Variants in STXBP6 observed in about 807,000 individuals in gnomAD.
STXBP6 encodes syntaxin binding protein 6, also known as syntaxin-binding protein 6.
In STXBP6, 21 loss-of-function variants were observed where a neutral mutation model predicts 26.9. The observed-to-expected ratio is 0.78, with a 90% CI of 0.55 to 1.12. The LOEUF (loss-of-function observed/expected upper bound fraction) is 1.12. Among genes scored for constraint, STXBP6 ranks in the 50% most tolerant of loss-of-function variants. The pLI is 0.00. For missense variants in STXBP6, 232 were observed against 257.9 expected, an observed-to-expected ratio of 0.90 and a Z score of 0.69; for synonymous variants, 97 against 92.6, an observed-to-expected ratio of 1.05 and a Z score of -0.27.
chr14:24,902,880 G>A (rs182766991), intron 2 of STXBP6, among the ~76,000 whole-genome samples: 135 of 152,264 alleles, frequency 8.9e-4, no homozygotes, highest in African/African-American at 3.1e-3. Flanking sequence ...TACCAGAGTA[G>A]TGGCAGGCCT....
At chr14:24,951,618 C>T (rs1165886447) in intron 2 of STXBP6, among the ~76,000 whole-genome samples, 1 of 152,144 alleles carries the variant, frequency 6.6e-6, no homozygotes, top group Non-Finnish European at 1.5e-5. Flanking sequence ...TATTCTCTTA[C>T]ATAGCCCTGA....
chr14:24,929,093 A>G (rs2072288202), intron 2 of STXBP6, among the ~76,000 whole-genome samples: 1 of 152,222 alleles, frequency 6.6e-6, no homozygotes, highest in Non-Finnish European at 1.5e-5. Context: ...CAAAGTGAAA[A>G]AAGGCCTCCA....
intron 3 of STXBP6, 123 bp downstream of exon 3, chr14:24,856,904 T>G: frequency 8.1e-7 from 1 of 1,231,600 alleles, no homozygotes; most frequent in Non-Finnish European, 1.1e-6. Flanking sequence ...TTTAATCACA[T>G]AATTGAAATA....
intron 1 of STXBP6, among the ~76,000 whole-genome samples, chr14:24,994,482 T>C (rs1008590603): frequency 7.2e-5 from 11 of 152,196 alleles, no homozygotes; most frequent in Non-Finnish European, 1.5e-5. Flanking sequence ...CACAAAGCTA[T>C]TTCCCCAGCC....
chr14:24,975,860 T>C (rs979806122), intron 1 of STXBP6, among the ~76,000 whole-genome samples: 1 of 152,238 alleles, frequency 6.6e-6, no homozygotes, highest in Non-Finnish European at 1.5e-5. Flanking sequence ...CTTTCTCCAT[T>C]CCATCATCCT....
At chr14:24,987,742 A>T in intron 1 of STXBP6, 4 of 721,406 alleles carry the variant, frequency 5.5e-6, no homozygotes, top group Non-Finnish European at 6.8e-6. Context: ...AGATAATGGC[A>T]AGAGCCAAGT....
intron 1 of STXBP6, among the ~76,000 whole-genome samples, chr14:25,007,308 C>T (rs1326486553): frequency 6.6e-6 from 1 of 152,196 alleles, no homozygotes; most frequent in Non-Finnish European, 1.5e-5. Flanking sequence ...AGCTGTATGA[C>T]TCATTCTGTA....
chr14:25,023,039 G>A (rs1235895546), intron 1 of STXBP6, among the ~76,000 whole-genome samples: 1 of 152,162 alleles, frequency 6.6e-6, no homozygotes, highest in Non-Finnish European at 1.5e-5. Flanking sequence ...GGTACTACAA[G>A]TCTCCAAAAA....
At chr14:25,013,736 G>T (rs1411186168) in intron 1 of STXBP6, among the ~76,000 whole-genome samples, 1 of 122,126 alleles carries the variant, frequency 8.2e-6, no homozygotes, top group African/African-American at 3.2e-5. Context: ...GATCCCATTT[G>T]ACAAAAAAAA....
chr14:25,042,521 C>T (rs17109529), intron 1 of STXBP6, among the ~76,000 whole-genome samples: 18,360 of 152,182 alleles, frequency 0.12, 1,197 homozygotes, highest in African/African-American at 0.16. Flanking sequence ...TCTACCTGCT[C>T]GGTCTTACTC....
intron 1 of STXBP6, among the ~76,000 whole-genome samples, chr14:24,984,404 C>A (rs74487436): frequency 0.04 from 6,150 of 152,246 alleles, 203 homozygotes; most frequent in East Asian, 0.17. Context: ...GTCTTCACAG[C>A]AGTGAGAGGC....
At chr14:25,029,784 T>A (rs1291551576) in intron 1 of STXBP6, among the ~76,000 whole-genome samples, 2 of 152,156 alleles carry the variant, frequency 1.3e-5, no homozygotes, top group Non-Finnish European at 2.9e-5. Context: ...AAAGAATGTA[T>A]AATCCCATTT....
intron 1 of STXBP6, among the ~76,000 whole-genome samples, chr14:25,008,647 A>G (rs1305240171): frequency 6.6e-6 from 1 of 152,236 alleles, no homozygotes; most frequent in Non-Finnish European, 1.5e-5. Flanking sequence ...ATTGGCAACA[A>G]TAATTCCTCT....
At chr14:25,020,945 C>T (rs960624064) in intron 1 of STXBP6, among the ~76,000 whole-genome samples, 8 of 152,168 alleles carry the variant, frequency 5.3e-5, no homozygotes, top group African/African-American at 1.9e-4. Flanking sequence ...CATACGCAGG[C>T]AGATTCGTGA....
In STXBP6 at chr14:25,014,262, AGGCAGGTGGATCACT is replaced by A. The variant is rs555748699; in HGVS notation, c.-33+35601_-33+35615del. ...GTAATCCCAGCACTTTGAGAGGCCG[AGGCAGGTGGATCACT>A]TGAGGCCAGGAGTTCAAAACCAGCC... On this transcript the variant is annotated intron_variant, in intron 1 of 5. Coordinates refer to ENST00000323944, the MANE Select transcript of STXBP6 (RefSeq NM_001394410.1). Among the ~76,000 whole-genome samples the A allele has an allele frequency of 2.0e-3, 305 of 152,272 alleles. 1 individual carries two copies. Among genetic ancestry groups the A allele is most frequent in the African/African-American group, 7.1e-3 (295 of 41,550 alleles).
At chr14:24,967,805 C>G (rs1195930564) in intron 2 of STXBP6, among the ~76,000 whole-genome samples, 1 of 152,182 alleles carries the variant, frequency 6.6e-6, no homozygotes, top group Non-Finnish European at 1.5e-5. Flanking sequence ...CGTTCTACAT[C>G]TCTATCAATT....
intron 2 of STXBP6, among the ~76,000 whole-genome samples, chr14:24,945,527 G>A (rs964498431): frequency 4.6e-5 from 7 of 151,868 alleles, no homozygotes; most frequent in African/African-American, 7.3e-5. Flanking sequence ...CTATGATCAC[G>A]CCACTGTACT....
chr14:25,025,657 C>A (rs1453652604), intron 1 of STXBP6, among the ~76,000 whole-genome samples: 2 of 152,126 alleles, frequency 1.3e-5, no homozygotes. Context: ...TCCCTCAGGG[C>A]TACTGCAAAA....
At chr14:24,824,925 C>T (rs566500362) in intron 4 of STXBP6, among the ~76,000 whole-genome samples, 17 of 152,274 alleles carry the variant, frequency 1.1e-4, no homozygotes, top group East Asian at 3.9e-4. Context: ...CAGGATTAGC[C>T]GCGAATTGAC....
Sources: gnomAD v4.1 joint callset for allele counts (sites outside exome capture counted in the v4.1 genomes callset) on GRCh38, gnomAD v4.1.1 for gene constraint, MANE v1.5 for transcripts, NCBI Gene and HGNC (gene_info 2026-07-23, HGNC 2026-07-21) for gene names.